NCAM2: variants seen among roughly 807,000 people sequenced by gnomAD.
The protein encoded by NCAM2 is N-CAM-2.
A neutral mutation model predicts 98.1 loss-of-function variants in NCAM2; 30 were observed. The ratio of observed to expected loss-of-function variants is 0.31; its 90% CI spans 0.23 to 0.41. NCAM2 has a LOEUF of 0.41. Ranked by LOEUF, NCAM2 falls within the 10% of genes least tolerant of loss-of-function variation. NCAM2 has a pLI of 1.00. For synonymous variants in NCAM2, 368 were observed against 342.4 expected (o/e 1.07, Z -0.83); for missense variants, 867 against 1,005.8 (o/e 0.86, Z 1.87).
chr21:21,202,057 G>A (rs79911301), intron 1 of NCAM2, among the ~76,000 whole-genome samples: 7,012 of 152,242 alleles, frequency 0.046, 236 homozygotes, highest in Non-Finnish European at 0.065. Flanking sequence ...AGAAGCACAA[G>A]CCTTACAGGA....
At chr21:21,033,763 GA>G (rs1282325634) in intron 1 of NCAM2, among the ~76,000 whole-genome samples, 2 of 152,160 alleles carry the variant, frequency 1.3e-5, no homozygotes, top group Non-Finnish European at 2.9e-5. Flanking sequence ...CCTGGATCTG[GA>G]CAAGAGAGGA....
chr21:21,465,652 A>G (rs190458195), intron 12 of NCAM2, among the ~76,000 whole-genome samples: 2 of 152,114 alleles, frequency 1.3e-5, no homozygotes, highest in Admixed American at 1.3e-4. Context: ...TTCTGCAAAG[A>G]TAATCTTAAT....
chr21:21,456,669 ATGAC>A (rs1466331500), intron 12 of NCAM2, among the ~76,000 whole-genome samples: 5 of 152,192 alleles, frequency 3.3e-5, no homozygotes, highest in African/African-American at 7.2e-5. Context: ...TTTCTATAGA[ATGAC>A]TGTTTGGTAC....
intron 1 of NCAM2, among the ~76,000 whole-genome samples, chr21:21,114,850 C>T (rs1353513741): frequency 2.7e-5 from 4 of 148,694 alleles, no homozygotes; most frequent in South Asian, 2.1e-4. Flanking sequence ...TTTGAAGTTT[C>T]GCTCTTGTCG....
At chr21:21,063,628 AG>A (rs1264582402) in intron 1 of NCAM2, among the ~76,000 whole-genome samples, 2 of 152,300 alleles carry the variant, frequency 1.3e-5, no homozygotes, top group South Asian at 4.1e-4. Flanking sequence ...TCCTTACCTT[AG>A]TATGTGTGTA....
rs545096390 is a variant in NCAM2, at chr21:21,383,191, T to C, written c.1195+9178T>C. Among the ~76,000 whole-genome samples, 7 of 152,310 alleles carry C rather than the reference T, an allele frequency of 4.6e-5. No individual in the cohort carries two copies. In the South Asian group the frequency reaches 1.4e-3, roughly 32 times the overall value. On this transcript the variant is annotated intron_variant, in intron 9 of 17. Coordinates refer to ENST00000400546, the MANE Select transcript of NCAM2 (RefSeq NM_004540.5). ...TAGATAAATATGTGGGGATTTTATTTTTCAAGGAGTTAATCACCTCTAAGT... is the reference window on the plus strand; with the variant it reads ...TAGATAAATATGTGGGGATTTTATTCTTCAAGGAGTTAATCACCTCTAAGT...
At chr21:21,165,621 G>A (rs2067926128) in intron 1 of NCAM2, among the ~76,000 whole-genome samples, 1 of 152,142 alleles carries the variant, frequency 6.6e-6, no homozygotes, top group Non-Finnish European at 1.5e-5. Context: ...ACCGAGGCCT[G>A]CTCATTTTTT....
At chr21:21,456,749 G>T (rs570049148) in intron 12 of NCAM2, among the ~76,000 whole-genome samples, 96 of 152,232 alleles carry the variant, frequency 6.3e-4, no homozygotes, top group African/African-American at 2.2e-3. Flanking sequence ...GCTTTGAGAG[G>T]TATTAAATCC....
intron 1 of NCAM2, among the ~76,000 whole-genome samples, chr21:21,123,848 CTTTT>C (rs71193401): frequency 3.5e-5 from 3 of 86,656 alleles, no homozygotes; most frequent in Non-Finnish European, 6.0e-5. Context: ...TTCTTGATTG[CTTTT>C]TTTTTTTTTT....
chr21:21,289,435 T>C (rs1285428224), intron 4 of NCAM2, among the ~76,000 whole-genome samples: 1 of 151,798 alleles, frequency 6.6e-6, no homozygotes, highest in Non-Finnish European at 1.5e-5. Flanking sequence ...CTACGTAGGA[T>C]AAGAGAGAGT....
chr21:21,063,681 A>G (rs1004412682), intron 1 of NCAM2, among the ~76,000 whole-genome samples: 1 of 152,164 alleles, frequency 6.6e-6, no homozygotes, highest in Non-Finnish European at 1.5e-5. Context: ...GCAAAACAAA[A>G]CAAAAATCAA....
intron 15 of NCAM2, among the ~76,000 whole-genome samples, chr21:21,487,487 A>G (rs1421639446): frequency 1.3e-5 from 2 of 152,122 alleles, no homozygotes; most frequent in East Asian, 3.8e-4. Context: ...GTCATTATAT[A>G]TAATCAGAAA....
At chr21:21,030,758 G>A (rs1468635302) in intron 1 of NCAM2, among the ~76,000 whole-genome samples, 2 of 152,284 alleles carry the variant, frequency 1.3e-5, no homozygotes, top group African/African-American at 2.4e-5. Flanking sequence ...GCTCCAAAGC[G>A]ATGATTCAGT....
intron 7 of NCAM2, among the ~76,000 whole-genome samples, chr21:21,336,770 T>C: frequency 6.6e-6 from 1 of 152,152 alleles, no homozygotes; most frequent in East Asian, 1.9e-4. Context: ...TATACCAAAA[T>C]GTATTAAAAT....
chr21:21,391,522 T>C (rs1264703939), intron 9 of NCAM2, among the ~76,000 whole-genome samples: 1 of 126,144 alleles, frequency 7.9e-6, no homozygotes, highest in Non-Finnish European at 1.8e-5. Flanking sequence ...ATTAAAACAA[T>C]AATGATCAGA....
At chr21:21,322,449 CA>C (rs1023516676) in intron 5 of NCAM2, among the ~76,000 whole-genome samples, 7 of 151,486 alleles carry the variant, frequency 4.6e-5, no homozygotes, top group Admixed American at 1.3e-4. Flanking sequence ...CCCCTGAATC[CA>C]AAAAAAGAAA....
At position 21,538,062 on chromosome 21, in the gene NCAM2, G is replaced by T; in HGVS notation, c.*105G>T. On this transcript the variant is annotated 3_prime_UTR_variant, in exon 18 of 18. Coordinates refer to ENST00000400546, the MANE Select transcript of NCAM2 (RefSeq NM_004540.5). Reference sequence around the variant, plus strand: ...ACCTTAATTTCTTGGGAAACTTCTAGCTTGGAATAGCTTGTACACATATAC... The same window carrying T: ...ACCTTAATTTCTTGGGAAACTTCTATCTTGGAATAGCTTGTACACATATAC... The T allele has an allele frequency of 1.8e-6, 1 of 550,242 alleles. No homozygotes were observed. The highest frequency in any genetic ancestry group is 3.2e-6 in the Non-Finnish European group (1 of 316,598). 34.1% of individuals were successfully genotyped at this position (550,242 alleles called of 1,614,324 possible).
intron 15 of NCAM2, among the ~76,000 whole-genome samples, chr21:21,483,364 C>A (rs917956300): frequency 1.3e-5 from 2 of 151,568 alleles, no homozygotes; most frequent in Non-Finnish European, 2.9e-5. Flanking sequence ...ATTTAACAAG[C>A]TAAAAAAAAT....
chr21:21,125,652 G>A (rs2039254), intron 1 of NCAM2, among the ~76,000 whole-genome samples: 109,534 of 134,422 alleles, frequency 0.81, 45,581 homozygotes, highest in East Asian at 0.92. Context: ...ACGTGTATAT[G>A]TAGAGATATA....
Sources: gnomAD v4.1 joint callset for allele counts (sites outside exome capture counted in the v4.1 genomes callset) on GRCh38, gnomAD v4.1.1 for gene constraint, MANE v1.5 for transcripts, NCBI Gene and HGNC (gene_info 2026-07-23, HGNC 2026-07-21) for gene names.